The following SLC25A26 variants were observed in gnomAD, a reference collection of about 807,000 sequenced individuals.
SLC25A26 encodes solute carrier family 25 member 26.
In SLC25A26, 36 loss-of-function variants were observed where a neutral mutation model predicts 37.8. The ratio of observed to expected loss-of-function variants is 0.95; its 90% CI spans 0.73 to 1.26. The LOEUF (loss-of-function observed/expected upper bound fraction) is 1.26. Ranked by LOEUF, SLC25A26 falls within the 50% of genes most tolerant of loss-of-function variation. The pLI is 0.00. For synonymous variants in SLC25A26, 129 were observed against 122.5 expected, an observed-to-expected ratio of 1.05 and a Z score of -0.35; for missense variants, 390 against 331.1, an observed-to-expected ratio of 1.18 and a Z score of -1.38.
intron 9 of SLC25A26, chr3:66,371,082 A>G (rs1252236388): frequency 2.2e-6 from 3 of 1,375,016 alleles, no homozygotes; most frequent in Non-Finnish European, 2.8e-6. Flanking sequence ...TCAGACTTCT[A>G]GCTTCATGTC....
chr3:66,286,539 A>G (rs1279402330), intron 5 of SLC25A26, among the ~76,000 whole-genome samples: 1 of 152,114 alleles, frequency 6.6e-6, no homozygotes, highest in Non-Finnish European at 1.5e-5. Context: ...AGAAATATAT[A>G]TATTAAGGAA....
chr3:66,194,142 G>A (rs1392284186), intron 1 of SLC25A26, among the ~76,000 whole-genome samples: 3 of 152,162 alleles, frequency 2.0e-5, no homozygotes, highest in Non-Finnish European at 4.4e-5. Context: ...CTGCCAAGGT[G>A]GGCTCATGGA....
At chr3:66,178,943 A>G (rs2070641878) in intron 1 of SLC25A26, among the ~76,000 whole-genome samples, 1 of 152,156 alleles carries the variant, frequency 6.6e-6, no homozygotes, top group South Asian at 2.1e-4. Flanking sequence ...ATGTTTTCCA[A>G]ATTCCTGGTG....
At chr3:66,252,156 C>T (rs896303020) in intron 3 of SLC25A26, among the ~76,000 whole-genome samples, 3 of 152,186 alleles carry the variant, frequency 2.0e-5, no homozygotes, top group Admixed American at 2.0e-4. Context: ...CACTTCCAAG[C>T]GAGCCTGAAC....
intron 5 of SLC25A26, among the ~76,000 whole-genome samples, chr3:66,263,704 G>A (rs1157010413): frequency 6.6e-6 from 1 of 152,068 alleles, no homozygotes; most frequent in Admixed American, 6.5e-5. Flanking sequence ...TGTCACCCAG[G>A]CTGGCGTGCA....
chr3:66,326,742 C>T (rs1409381385), intron 5 of SLC25A26, among the ~76,000 whole-genome samples: 1 of 152,122 alleles, frequency 6.6e-6, no homozygotes, highest in African/African-American at 2.4e-5. Flanking sequence ...TATGTTGAGC[C>T]CCAAATGTGT....
At chr3:66,278,192 A>G (rs2074220347) in intron 5 of SLC25A26, among the ~76,000 whole-genome samples, 1 of 152,174 alleles carries the variant, frequency 6.6e-6, no homozygotes, top group Non-Finnish European at 1.5e-5. Flanking sequence ...CTTTTATGAG[A>G]GTTTGTTTTT....
At chr3:66,253,389 G>A (rs1247869383) in intron 3 of SLC25A26, among the ~76,000 whole-genome samples, 3 of 148,942 alleles carry the variant, frequency 2.0e-5, no homozygotes, top group African/African-American at 7.4e-5. Context: ...GTGACAGAGT[G>A]AGACTCCATC....
intron 1 of SLC25A26, among the ~76,000 whole-genome samples, chr3:66,181,780 C>CTTT (rs922019884): frequency 0.013 from 1,218 of 97,022 alleles, 53 homozygotes; most frequent in African/African-American, 0.043. Flanking sequence ...CTCCCCTTGT[C>CTTT]TTTTTTTTTT....
chr3:66,180,133 A>C (rs1198166221), intron 1 of SLC25A26, among the ~76,000 whole-genome samples: 1 of 152,216 alleles, frequency 6.6e-6, no homozygotes, highest in Non-Finnish European at 1.5e-5. Flanking sequence ...TTCAAGGATG[A>C]AGTCAACCTA....
intron 5 of SLC25A26, among the ~76,000 whole-genome samples, chr3:66,316,116 T>C (rs541060508): frequency 6.6e-6 from 1 of 152,240 alleles, no homozygotes; most frequent in Non-Finnish European, 1.5e-5. Flanking sequence ...CATTTACATT[T>C]AAGGTTACTA....
rs148178340 is a variant in SLC25A26 at position 66,292,951 on chromosome 3, T to C, written c.453+29572T>C. 3.0e-3 allele frequency among the ~76,000 whole-genome samples: 460 copies of C among 152,274 alleles called. 2 individuals are homozygous for C. Among genetic ancestry groups the C allele is most frequent in the East Asian group, 0.017 (87 of 5,164 alleles). On this transcript the variant is annotated intron_variant, in intron 5 of 9. Coordinates refer to ENST00000354883, the MANE Select transcript of SLC25A26 (RefSeq NM_001379210.1). ...CAAACGTAGGTTTGGTCTTTTCACA[T>C]AGTCCTATATTTCTTGGAGGCTTTG... is the stretch of plus-strand genomic sequence containing the variant.
At chr3:66,163,157 C>G (rs1334738513) in intron 1 of SLC25A26, among the ~76,000 whole-genome samples, 1 of 152,188 alleles carries the variant, frequency 6.6e-6, no homozygotes. Context: ...ATTTGAGAGG[C>G]ATTTACTGCC....
At position 66,306,401 on chromosome 3, in the gene SLC25A26, C is replaced by T. The variant is rs2075223102; in HGVS notation, c.454-39963C>T. 1.3e-5 allele frequency among the ~76,000 whole-genome samples: 2 copies of T among 152,122 alleles called. 1 individual carries two copies. The highest frequency in any genetic ancestry group is 4.8e-5 in the African/African-American group (2 of 41,434). On this transcript the variant is annotated intron_variant, in intron 5 of 9. Transcript: ENST00000354883. Reference sequence around the variant, plus strand: ...TTTTTTTTCTTATGTTTGTTGGCTGCATGAATGTCTTCTTTTGAGAAGTGT... The same window carrying T: ...TTTTTTTTCTTATGTTTGTTGGCTGTATGAATGTCTTCTTTTGAGAAGTGT...
intron 5 of SLC25A26, among the ~76,000 whole-genome samples, chr3:66,296,418 TTGCTTTATTTTTAAAAA>T (rs2074905117): frequency 6.6e-6 from 1 of 152,228 alleles, no homozygotes; most frequent in Non-Finnish European, 1.5e-5. Context: ...ATACATGCAT[TTGCTTTATTTTTAAAAA>T]TAAACTGTCA....
intron 5 of SLC25A26, among the ~76,000 whole-genome samples, chr3:66,317,168 T>C (rs1463238764): frequency 6.6e-6 from 1 of 152,004 alleles, no homozygotes; most frequent in Non-Finnish European, 1.5e-5. Context: ...CTGTGATTAT[T>C]TGGAGGAGAA....
chr3:66,285,071 G>T (rs1012240826), intron 5 of SLC25A26, among the ~76,000 whole-genome samples: 1 of 152,150 alleles, frequency 6.6e-6, no homozygotes, highest in Non-Finnish European at 1.5e-5. Context: ...CCTAGTAGGG[G>T]TCTTCTGGTG....
intron 5 of SLC25A26, among the ~76,000 whole-genome samples, chr3:66,298,096 A>T (rs782749): frequency 1.3e-5 from 2 of 152,042 alleles, no homozygotes; most frequent in Non-Finnish European, 2.9e-5. Context: ...GATCTTCTGA[A>T]TCAGAAACTT....
intron 6 of SLC25A26, among the ~76,000 whole-genome samples, chr3:66,358,036 A>C (rs1157028623): frequency 1.3e-5 from 2 of 152,176 alleles, no homozygotes; most frequent in African/African-American, 4.8e-5. Context: ...AATCCCAACT[A>C]ATATTGTCAA....
Sources: allele counts gnomAD v4.1 joint callset (sites outside exome capture counted in the v4.1 genomes callset), GRCh38; gene constraint gnomAD v4.1.1; transcripts MANE v1.5; gene names NCBI Gene and HGNC (gene_info 2026-07-23, HGNC 2026-07-21).